RAB31: variants seen among roughly 807,000 people sequenced by gnomAD.
RAB31 encodes the protein ras-related protein Rab-31.
In RAB31, 21 loss-of-function variants were observed where a neutral mutation model predicts 25.6. The ratio of observed to expected loss-of-function variants is 0.82; its 90% CI spans 0.58 to 1.18. The LOEUF (loss-of-function observed/expected upper bound fraction) is 1.18, where lower values mean the gene tolerates loss of function less well. Ranked by LOEUF, RAB31 falls within the 50% of genes most tolerant of loss-of-function variation. RAB31 has a pLI of 0.00. For synonymous variants in RAB31, 87 were observed against 84.0 expected (o/e 1.04, Z -0.20); for missense variants, 196 against 250.1 (o/e 0.78, Z 1.46).
chr18:9,806,995 G>C (rs1264170212), intron 3 of RAB31, among the ~76,000 whole-genome samples: 1 of 152,146 alleles, frequency 6.6e-6, no homozygotes, highest in Non-Finnish European at 1.5e-5. Flanking sequence ...GTGGCTGTGT[G>C]GCCAGTTTGG....
At chr18:9,769,015 C>A (rs1249588004) in intron 1 of RAB31, among the ~76,000 whole-genome samples, 1 of 152,068 alleles carries the variant, frequency 6.6e-6, no homozygotes, top group Non-Finnish European at 1.5e-5. Context: ...AGATGTATGG[C>A]ATTATTTCTG....
chr18:9,717,193 C>T lies in RAB31; in HGVS notation c.39+8749C>T, dbSNP rs369616849. ...CTCCCAGTCTCAAGTGATCCTCCTG[C>T]TTCCGAAAAGTCGGATTTAACATCA... On this transcript the variant is annotated intron_variant, in intron 1 of 6. Coordinates refer to ENST00000578921, the MANE Select transcript of RAB31 (RefSeq NM_006868.4). Among the ~76,000 whole-genome samples the T allele has an allele frequency of 2.0e-5, 3 of 152,284 alleles. No individual in the cohort carries two copies. In the East Asian group the frequency reaches 5.8e-4, roughly 29 times the overall value.
intron 5 of RAB31, among the ~76,000 whole-genome samples, chr18:9,836,372 A>G (rs1182731297): frequency 6.6e-6 from 1 of 152,190 alleles, no homozygotes; most frequent in African/African-American, 2.4e-5. Flanking sequence ...AGCGCTAATG[A>G]GTCCACTCTT....
intron 6 of RAB31, among the ~76,000 whole-genome samples, chr18:9,851,385 T>C (rs1362084620): frequency 2.0e-5 from 3 of 152,234 alleles, no homozygotes; most frequent in Admixed American, 2.0e-4. Flanking sequence ...CAAGGTTTAA[T>C]ATGTACGGAG....
At chr18:9,773,846 G>T (rs2068358202) in intron 1 of RAB31, among the ~76,000 whole-genome samples, 1 of 151,988 alleles carries the variant, frequency 6.6e-6, no homozygotes, top group Admixed American at 6.6e-5. Flanking sequence ...TTTTTGTAGA[G>T]TCAGGGGTCT....
intron 2 of RAB31, among the ~76,000 whole-genome samples, chr18:9,781,647 A>C (rs991722109): frequency 1.1e-4 from 17 of 152,192 alleles, no homozygotes; most frequent in Non-Finnish European, 2.5e-4. Flanking sequence ...TTTCCTCTGG[A>C]GTCAATGTTA....
In RAB31 at chr18:9,861,360, C is replaced by A. The variant is rs572740835; in HGVS notation, c.*2035C>A. ...AGATAGTGAGCTACCCACTAATGAG[C>A]CCATGGTTTTATTTCAGAAGCACAT... On this transcript the variant is annotated 3_prime_UTR_variant, in exon 7 of 7. Transcript: ENST00000578921. The A allele has an allele frequency of 6.6e-6, 1 of 152,124 alleles. No homozygotes were observed. Among genetic ancestry groups the A allele is most frequent in the African/African-American group, 2.4e-5 (1 of 41,416 alleles). 9.4% of individuals were successfully genotyped at this position (152,124 alleles called of 1,614,324 possible).
At chr18:9,740,583 C>T (rs953051037) in intron 1 of RAB31, among the ~76,000 whole-genome samples, 1 of 151,930 alleles carries the variant, frequency 6.6e-6, no homozygotes, top group Non-Finnish European at 1.5e-5. Context: ...CGTGGTGGCG[C>T]ACACCTGTAA....
At chr18:9,751,657 A>G (rs537157552) in intron 1 of RAB31, among the ~76,000 whole-genome samples, 1 of 152,370 alleles carries the variant, frequency 6.6e-6, no homozygotes, top group East Asian at 1.9e-4. Flanking sequence ...AGAGCAGCAC[A>G]TGATTAAGTC....
chr18:9,839,589 A>T (rs1396590548), intron 5 of RAB31, among the ~76,000 whole-genome samples: 2 of 152,144 alleles, frequency 1.3e-5, no homozygotes, highest in East Asian at 1.9e-4. Context: ...ATCACAGAGC[A>T]TTGAGGTTTG....
chr18:9,842,580 T>C (rs2068739816), intron 5 of RAB31, among the ~76,000 whole-genome samples: 1 of 152,234 alleles, frequency 6.6e-6, no homozygotes, highest in Admixed American at 6.5e-5. Context: ...GGAGGGACTT[T>C]CACTGGCCCT....
At chr18:9,841,461 C>A (rs989251240) in intron 5 of RAB31, among the ~76,000 whole-genome samples, 1 of 150,674 alleles carries the variant, frequency 6.6e-6, no homozygotes, top group Admixed American at 6.6e-5. Flanking sequence ...ATGGCGTGAA[C>A]CCGGGAGGCA....
At chr18:9,719,507 A>G (rs1354732650) in intron 1 of RAB31, among the ~76,000 whole-genome samples, 1 of 151,212 alleles carries the variant, frequency 6.6e-6, no homozygotes, top group Non-Finnish European at 1.5e-5. Flanking sequence ...TCTCCTCTTT[A>G]GTTTGTTTGT....
intron 3 of RAB31, among the ~76,000 whole-genome samples, chr18:9,803,289 G>A (rs1168944777): frequency 6.7e-6 from 1 of 148,490 alleles, no homozygotes. Flanking sequence ...AGGCTGGAAT[G>A]CAGTGGTGCA....
chr18:9,820,659 C>A (rs2068620334), intron 5 of RAB31, among the ~76,000 whole-genome samples: 1 of 152,020 alleles, frequency 6.6e-6, no homozygotes, highest in African/African-American at 2.4e-5. Flanking sequence ...CTGTGTAGTT[C>A]ATAGTATTAT....
chr18:9,841,734 G>A (rs1444159676), intron 5 of RAB31, among the ~76,000 whole-genome samples: 1 of 152,066 alleles, frequency 6.6e-6, no homozygotes, highest in Non-Finnish European at 1.5e-5. Context: ...TTTTCTTGGG[G>A]GACAGGCAGA....
chr18:9,820,617 T>C (rs1289234008), intron 5 of RAB31, among the ~76,000 whole-genome samples: 4 of 152,082 alleles, frequency 2.6e-5, no homozygotes, highest in Non-Finnish European at 5.9e-5. Context: ...TTGATCTCCA[T>C]GATGTCAGTT....
intron 6 of RAB31, among the ~76,000 whole-genome samples, chr18:9,846,088 T>A (rs1253882780): frequency 6.6e-6 from 1 of 152,176 alleles, no homozygotes; most frequent in Non-Finnish European, 1.5e-5. Flanking sequence ...TTCCAGTAAC[T>A]TTTTTTGCCT....
intron 1 of RAB31, among the ~76,000 whole-genome samples, chr18:9,731,349 A>G (rs2068121846): frequency 6.6e-6 from 1 of 152,200 alleles, no homozygotes; most frequent in Non-Finnish European, 1.5e-5. Flanking sequence ...ACATTAAATA[A>G]TTTATTACCT....
Sources: gnomAD v4.1 joint callset for allele counts (sites outside exome capture counted in the v4.1 genomes callset) on GRCh38, gnomAD v4.1.1 for gene constraint, MANE v1.5 for transcripts, NCBI Gene and HGNC (gene_info 2026-07-23, HGNC 2026-07-21) for gene names.